The following NBAS variants were observed in gnomAD, a reference collection of about 807,000 sequenced individuals.
NBAS encodes NAG/BC035112 fusion.
In NBAS, 219 loss-of-function variants were observed where a neutral mutation model predicts 302.5. The ratio of observed to expected loss-of-function variants is 0.72; its 90% confidence interval spans 0.65 to 0.81. The LOEUF is 0.81. Ranked by LOEUF, NBAS falls within the 30% of genes least tolerant of loss-of-function variation. NBAS has a pLI of 0.00. For missense variants in NBAS, 2,932 were observed against 2,841.6 expected (o/e 1.03, Z -0.72); for synonymous variants, 1,118 against 1,021.6 (o/e 1.09, Z -1.80).
chr2:15,484,575 T>C (rs1680550765), intron 12 of NBAS, among the ~76,000 whole-genome samples: 1 of 152,198 alleles, frequency 6.6e-6, no homozygotes, highest in Non-Finnish European at 1.5e-5. Context: ...AGGGTTGTTG[T>C]GAGACAAATG....
chr2:15,376,367 G>A (rs539798485), intron 30 of NBAS, among the ~76,000 whole-genome samples: 7 of 152,242 alleles, frequency 4.6e-5, no homozygotes, highest in African/African-American at 1.7e-4. Context: ...AGAAGGACCG[G>A]CTTTTTAAAT....
At chr2:15,071,673 C>T in the NBAS span, among the ~76,000 whole-genome samples, 2 of 151,150 alleles carry the variant, frequency 1.3e-5, no homozygotes, top group Admixed American at 6.6e-5. Context: ...TTAATCGTGC[C>T]GAGGCTGAGA....
the NBAS span, among the ~76,000 whole-genome samples, chr2:14,850,255 CA>C: frequency 7.8e-6 from 1 of 127,906 alleles, no homozygotes; most frequent in Non-Finnish European, 1.5e-5. Context: ...AAATGGAAAA[CA>C]AAAAAAGGCA....
intron 11 of NBAS, among the ~76,000 whole-genome samples, chr2:15,501,354 T>C (rs555175015): frequency 8.5e-5 from 13 of 152,114 alleles, no homozygotes; most frequent in African/African-American, 2.9e-4. Context: ...AGTTTGGGTA[T>C]AATAAACCAC....
At chr2:15,018,898 C>G in the NBAS span, among the ~76,000 whole-genome samples, 3 of 152,096 alleles carry the variant, frequency 2.0e-5, no homozygotes, top group African/African-American at 7.2e-5. Context: ...GACCTTTAAT[C>G]ATTTTATGGA....
the NBAS span, among the ~76,000 whole-genome samples, chr2:14,916,592 ATG>A: frequency 4.8e-5 from 7 of 146,904 alleles, no homozygotes; most frequent in Admixed American, 6.8e-5. Context: ...ATATATATAT[ATG>A]AATGATAGTA....
chr2:15,234,713 A>G lies in NBAS; in HGVS notation c.5978T>C (p.Leu1993Pro). 6.2e-7 allele frequency: 1 copy of G among 1,614,180 alleles called. No individual in the cohort carries two copies. Among genetic ancestry groups the G allele is most frequent in the Non-Finnish European group, 8.5e-7 (1 of 1,180,008 alleles). The change falls in exon 46 of 52, where the codon CTG becomes CCG. Residue 1993 changes from leucine to proline, a missense_variant. Leu to Pro is a moderately conservative substitution (Grantham distance 98, BLOSUM62 -3). Transcript: ENST00000281513. Reference sequence around the variant, plus strand: ...AAGTTTCTCTTTTTCTGATCGGGACAGATCATAGAGGTGACTGTATTTTTG... The same window carrying G: ...AAGTTTCTCTTTTTCTGATCGGGACGGATCATAGAGGTGACTGTATTTTTG... ...TLQKYSHLYD[L>P]SRSEKEKLHD... is the part of the protein sequence containing the mutation.
the NBAS span, among the ~76,000 whole-genome samples, chr2:15,082,088 A>C: frequency 6.6e-6 from 1 of 152,216 alleles, no homozygotes; most frequent in Non-Finnish European, 1.5e-5. Context: ...AAATGTGTGT[A>C]AAAATGGTAG....
At chr2:15,560,984 C>T (rs752730854) in intron 1 of NBAS, among the ~76,000 whole-genome samples, 34 of 152,142 alleles carry the variant, frequency 2.2e-4, no homozygotes, top group Non-Finnish European at 3.1e-4. Flanking sequence ...ATTCTGAGCC[C>T]AGGAAGAATC....
intron 30 of NBAS, among the ~76,000 whole-genome samples, chr2:15,377,597 G>C (rs1674808021): frequency 6.6e-6 from 1 of 152,182 alleles, no homozygotes. Context: ...CTGGAAAAAA[G>C]TGGATTTGCA....
chr2:15,553,097 C>G (rs112635366), intron 5 of NBAS, among the ~76,000 whole-genome samples: 5 of 152,158 alleles, frequency 3.3e-5, no homozygotes, highest in Admixed American at 3.3e-4. Flanking sequence ...TTTACACCTT[C>G]CTGAGTTTCT....
intron 6 of NBAS, among the ~76,000 whole-genome samples, chr2:15,545,623 T>C (rs1664072898): frequency 6.6e-6 from 1 of 152,236 alleles, no homozygotes; most frequent in Non-Finnish European, 1.5e-5. Flanking sequence ...TAATTACTAG[T>C]ATTTTAACTA....
the NBAS span, among the ~76,000 whole-genome samples, chr2:14,962,277 A>G: frequency 6.6e-6 from 1 of 152,170 alleles, no homozygotes; most frequent in Non-Finnish European, 1.5e-5. Flanking sequence ...AGCATGCATT[A>G]AACAGCAAGA....
chr2:15,002,888 C>T, the NBAS span, among the ~76,000 whole-genome samples: 137 of 152,344 alleles, frequency 9.0e-4, no homozygotes, highest in Admixed American at 2.0e-3. Flanking sequence ...AAGCGCCACG[C>T]GCAGCCCCTG....
At chr2:15,442,659 G>C (rs74418500) in intron 21 of NBAS, among the ~76,000 whole-genome samples, 86,546 of 150,268 alleles carry the variant, frequency 0.58, 26,217 homozygotes, top group Non-Finnish European at 0.67. Context: ...AATCAGAGCA[G>C]AACTGAAGGA....
At position 15,314,253 on chromosome 2, in the gene NBAS, G is replaced by A. The variant is rs546374333; in HGVS notation, c.4583-5006C>T. On this transcript the variant is annotated intron_variant, in intron 38 of 51. Transcript: ENST00000281513. ...CACCGGTAGTCCCAGCTACTCAGGAGGCTGACGCATGAGAATTGCTTGAAC... is the reference window on the plus strand; with the variant it reads ...CACCGGTAGTCCCAGCTACTCAGGAAGCTGACGCATGAGAATTGCTTGAAC... Among the ~76,000 whole-genome samples, 9 of 152,262 alleles carry A rather than the reference G, an allele frequency of 5.9e-5. No homozygotes were observed. The East Asian group carries it at 1.7e-3, about 29-fold the overall frequency.
chr2:15,248,940 C>A (rs146204059), intron 44 of NBAS, among the ~76,000 whole-genome samples: 377 of 152,240 alleles, frequency 2.5e-3, no homozygotes, highest in African/African-American at 8.4e-3. Context: ...AGAGTGAATC[C>A]TCCCTAACTC....
chr2:15,156,864 A>G, the NBAS span, among the ~76,000 whole-genome samples: 1 of 152,134 alleles, frequency 6.6e-6, no homozygotes, highest in Non-Finnish European at 1.5e-5. Flanking sequence ...CTATGTATTG[A>G]ATCTAGCTAC....
the NBAS span, among the ~76,000 whole-genome samples, chr2:15,160,611 T>TGGGGGG: frequency 7.0e-6 from 1 of 143,276 alleles, no homozygotes; most frequent in African/African-American, 2.7e-5. Context: ...GGCAGGAGGC[T>TGGGGGG]GGACCAGGTG....
Sources: gnomAD v4.1 joint callset for allele counts (sites outside exome capture counted in the v4.1 genomes callset) on GRCh38, gnomAD v4.1.1 for gene constraint, MANE v1.5 for transcripts, NCBI Gene and HGNC (gene_info 2026-07-23, HGNC 2026-07-21) for gene names.